The following CHD6 variants were observed in gnomAD, a reference collection of about 807,000 sequenced individuals.
CHD6 encodes ATP-dependent chromatin remodeler CHD6.
A neutral mutation model predicts 276.9 loss-of-function variants in CHD6; 50 were observed. The ratio of observed to expected loss-of-function variants is 0.18; its 90% confidence interval spans 0.14 to 0.23. The LOEUF (loss-of-function observed/expected upper bound fraction) is 0.23. Ranked by LOEUF, CHD6 falls within the 10% of genes least tolerant of loss-of-function variation. The pLI is 1.00. For missense variants in CHD6, 2,564 were observed against 3,365.8 expected, an observed-to-expected ratio of 0.76 and a Z score of 5.89; for synonymous variants, 1,173 against 1,229.3, an observed-to-expected ratio of 0.95 and a Z score of 0.96.
chr20:41,452,109 G>A lies in CHD6; in HGVS notation c.3324-84C>T, dbSNP rs1600892671. On this transcript the variant is annotated intron_variant, in intron 21 of 36. Coordinates refer to ENST00000373233, the MANE Select transcript of CHD6 (RefSeq NM_032221.5). The surrounding 1 kb of genome is among the most constrained non-coding windows in gnomAD (Gnocchi z 4.2). ...CCTCCCCACAGGAGGAGAAACAAGA[G>A]CCATACATGCTTTTTGTTCTCTGTA... 16 of 1,040,700 alleles carry A rather than the reference G, an allele frequency of 1.5e-5. No homozygotes were observed. Among genetic ancestry groups the A allele is most frequent in the Non-Finnish European group, 2.4e-5 (16 of 679,222 alleles). The allele number at this position is 1,040,700 out of a possible 1,614,324, so 64.5% of individuals were successfully genotyped here.
chr20:41,589,829 A>C (rs1488814554), intron 1 of CHD6, among the ~76,000 whole-genome samples: 2 of 152,352 alleles, frequency 1.3e-5, no homozygotes, highest in African/African-American at 4.8e-5. Flanking sequence ...ATCCCCATCA[A>C]GCTATCACTT....
intron 1 of CHD6, among the ~76,000 whole-genome samples, chr20:41,552,844 G>C (rs993506141): frequency 6.6e-6 from 1 of 152,180 alleles, no homozygotes; most frequent in African/African-American, 2.4e-5. Context: ...GCATGATCGG[G>C]TGCTAAGGTG....
At position 41,473,432 on chromosome 20, in the gene CHD6, G is replaced by A. The variant is rs1055703185; in HGVS notation, c.2554C>T (p.Arg852Cys). Residue 852 changes from arginine (R) to cysteine (C), a missense_variant, in exon 17 of 37, where the codon CGC becomes TGC. Coordinates refer to ENST00000373233, the MANE Select transcript of CHD6 (RefSeq NM_032221.5). The surrounding 1 kb of genome is among the most constrained non-coding windows in gnomAD (Gnocchi z 4.1). ...IDRFCKPDSD[R>C]FVFLLCTRAG... ...CTGGTGCACAGAAGAAAGACAAAGC[G>A]GTCTGAATCTGGCTTACAGAACCGG... The A allele has an allele frequency of 1.9e-6, 3 of 1,614,082 alleles. No homozygotes were observed. The highest frequency in any genetic ancestry group is 2.5e-6 in the Non-Finnish European group (3 of 1,179,986).
chr20:41,488,900 G>A (rs1206762373), intron 12 of CHD6, among the ~76,000 whole-genome samples: 1 of 152,192 alleles, frequency 6.6e-6, no homozygotes, highest in Non-Finnish European at 1.5e-5. Flanking sequence ...GTCATGATAA[G>A]GAAATCAGAT....
At chr20:41,464,908 AAGGAGCTACC>A (rs2042885115) in intron 17 of CHD6, among the ~76,000 whole-genome samples, 1 of 152,246 alleles carries the variant, frequency 6.6e-6, no homozygotes, top group Non-Finnish European at 1.5e-5. Context: ...AGCCAATGTA[AAGGAGCTACC>A]AACGGCCAAA....
chr20:41,460,660 C>G (rs1412101123), intron 17 of CHD6, among the ~76,000 whole-genome samples: 1 of 152,232 alleles, frequency 6.6e-6, no homozygotes, highest in African/African-American at 2.4e-5. Flanking sequence ...TTGGGAACCT[C>G]CACTTAAATT....
At chr20:41,545,864 C>G (rs1415942005) in intron 2 of CHD6, among the ~76,000 whole-genome samples, 1 of 152,098 alleles carries the variant, frequency 6.6e-6, no homozygotes, top group Non-Finnish European at 1.5e-5. Context: ...AGCAAAAAGC[C>G]TGAAACCTAG....
intron 3 of CHD6, among the ~76,000 whole-genome samples, chr20:41,522,475 T>C (rs1568670930): frequency 6.6e-6 from 1 of 152,190 alleles, no homozygotes; most frequent in African/African-American, 2.4e-5. Context: ...GATATTTGCA[T>C]GATCTTAAAA....
chr20:41,565,097 ATT>A (rs762728208), intron 1 of CHD6, among the ~76,000 whole-genome samples: 35 of 141,296 alleles, frequency 2.5e-4, no homozygotes, highest in Non-Finnish European at 2.3e-4. Flanking sequence ...AAGATAATGG[ATT>A]TTTTTTTTTT....
At chr20:41,476,379 A>G (rs2043168139) in intron 16 of CHD6, among the ~76,000 whole-genome samples, 1 of 152,066 alleles carries the variant, frequency 6.6e-6, no homozygotes, top group Admixed American at 6.6e-5. Flanking sequence ...ACTGGCCAGG[A>G]GTAGACTGAC....
At chr20:41,531,978 C>T (rs1019048078) in intron 3 of CHD6, among the ~76,000 whole-genome samples, 5 of 152,100 alleles carry the variant, frequency 3.3e-5, no homozygotes, top group African/African-American at 1.2e-4. Flanking sequence ...ATATAATTAA[C>T]CTTCCCTTGC....
rs1224385649 is a variant in CHD6 at position 41,404,546 on chromosome 20, G to A, written c.*47C>T. On this transcript the variant is annotated 3_prime_UTR_variant, in exon 37 of 37. Coordinates refer to ENST00000373233, the MANE Select transcript of CHD6 (RefSeq NM_032221.5). ...GTGAGGGAAGTAACAAACCTTTATG[G>A]GATAAGAAACTTACAAGTCACAATA... is the stretch of plus-strand genomic sequence containing the variant. 1.4e-6 allele frequency: 2 copies of A among 1,464,638 alleles called. No homozygotes were observed. Among genetic ancestry groups the A allele is most frequent in the East Asian group, 2.3e-5 (1 of 43,324 alleles). The allele number at this position is 1,464,638 out of a possible 1,614,324, so 90.7% of individuals were successfully genotyped here.
chr20:41,509,278 T>C (rs1056049271), intron 5 of CHD6, among the ~76,000 whole-genome samples: 1 of 152,182 alleles, frequency 6.6e-6, no homozygotes, highest in Non-Finnish European at 1.5e-5. Context: ...TTCATCTGAA[T>C]AGTTCCTGGG....
chr20:41,580,645 CAAAA>C (rs373733112), intron 1 of CHD6, among the ~76,000 whole-genome samples: 2 of 69,302 alleles, frequency 2.9e-5, no homozygotes, highest in Non-Finnish European at 5.5e-5. Flanking sequence ...AACCCAGTCT[CAAAA>C]AAAAAAAAAA....
chr20:41,546,193 T>C (rs1011139570), intron 2 of CHD6, among the ~76,000 whole-genome samples: 2 of 152,262 alleles, frequency 1.3e-5, no homozygotes, highest in South Asian at 4.1e-4. Context: ...CCATATTCAC[T>C]CCAGGGAAGA....
intron 4 of CHD6, 109 bp downstream of exon 4, chr20:41,514,690 AGCCCAG>A: frequency 1.6e-6 from 2 of 1,220,756 alleles, no homozygotes; most frequent in Non-Finnish European, 1.1e-6. Context: ...GTAAAAGCCC[AGCCCAG>A]GGCTAGGGAG....
In CHD6 at chr20:41,404,230, T is replaced by C. The variant is rs2046606156; in HGVS notation, c.*363A>G. 4 of 1,076,470 alleles carry C rather than the reference T, an allele frequency of 3.7e-6. No homozygotes were observed. The highest frequency in any genetic ancestry group is 3.4e-6 in the Non-Finnish European group (3 of 887,682). The allele number at this position is 1,076,470 out of a possible 1,614,324, so 66.7% of individuals were successfully genotyped here. ...CCTCTTTGTCTCTGTTCTTCCACCC[T>C]TCAATGGTAAAACCCTAGACAGCTT... On this transcript the variant is annotated 3_prime_UTR_variant, in exon 37 of 37. Transcript: ENST00000373233.
At position 41,484,572 on chromosome 20, in the gene CHD6, C is replaced by G; in HGVS notation, c.2037G>C (p.Met679Ile). Residue 679 changes from methionine (M) to isoleucine (I), a missense_variant, in exon 15 of 37, where the codon ATG (methionine) becomes ATC (isoleucine). By Grantham distance (10) the Met-to-Ile change is conservative (BLOSUM62 1). Around this residue, in one of 7 missense-constraint regions of CHD6, gnomAD observed 457 missense variants for 889.0 expected, o/e 0.51. Transcript: ENST00000373233. ...CCACATCATCTTTCAGCCGCCGAAG[C>G]ATCATTGGTTTTAGGATAGACTGCA... ...KKLQSILKPM[M>I]LRRLKDDVEK... The G allele has an allele frequency of 6.2e-7, 1 of 1,613,810 alleles. No individual in the cohort carries two copies. Among genetic ancestry groups the G allele is most frequent in the South Asian group, 1.1e-5 (1 of 91,068 alleles).
chr20:41,597,620 T>C (rs1317293480), intron 1 of CHD6, among the ~76,000 whole-genome samples: 1 of 151,894 alleles, frequency 6.6e-6, no homozygotes, highest in Non-Finnish European at 1.5e-5. Flanking sequence ...TGACCCACCA[T>C]ACCCGGGTCA....
Sources: gnomAD v4.1 joint callset for allele counts (sites outside exome capture counted in the v4.1 genomes callset) on GRCh38, gnomAD v4.1.1 for gene constraint, gnomAD v4.1.1 regional missense constraint, Gnocchi (gnomAD v3.1) non-coding constraint, MANE v1.5 for transcripts, NCBI Gene and HGNC (gene_info 2026-07-23, HGNC 2026-07-21) for gene names.